SLIT3: variants seen among roughly 807,000 people sequenced by gnomAD.
SLIT3 encodes slit guidance ligand 3, also known as slit homolog 3 protein.
In SLIT3, 68 loss-of-function variants were observed where a neutral mutation model predicts 184.0. That is an observed-to-expected ratio of 0.37 (90% confidence interval 0.30 to 0.45). The LOEUF (loss-of-function observed/expected upper bound fraction) is 0.45. Among genes scored for constraint, SLIT3 ranks in the 20% least tolerant of loss-of-function variants. The pLI is 1.00. For missense variants in SLIT3, 1,707 were observed against 2,026.0 expected (o/e 0.84, Z 3.02); for synonymous variants, 831 against 828.6 (o/e 1.00, Z -0.05).
At chr5:169,174,686 G>T (rs1350786194) in intron 4 of SLIT3, among the ~76,000 whole-genome samples, 1 of 151,968 alleles carries the variant, frequency 6.6e-6, no homozygotes, top group Non-Finnish European at 1.5e-5. Context: ...TCTACTGAAG[G>T]CCAACTCATC....
At chr5:168,862,677 TG>T (rs1759153971) in intron 5 of SLIT3, among the ~76,000 whole-genome samples, 1 of 136,124 alleles carries the variant, frequency 7.3e-6, no homozygotes, top group African/African-American at 3.7e-5. Flanking sequence ...GTTTGTTTGT[TG>T]TTTTTTTTTT....
At chr5:169,279,730 A>G (rs1581133855) in intron 1 of SLIT3, among the ~76,000 whole-genome samples, 1 of 152,214 alleles carries the variant, frequency 6.6e-6, no homozygotes, top group Non-Finnish European at 1.5e-5. Flanking sequence ...GTGGTTGACA[A>G]GGTGAATTCT....
At chr5:168,680,235 C>G (rs1761544868) in intron 32 of SLIT3, among the ~76,000 whole-genome samples, 1 of 152,366 alleles carries the variant, frequency 6.6e-6, no homozygotes, top group South Asian at 2.1e-4. Flanking sequence ...GCATGTGAGT[C>G]TGGCCTTCTC....
intron 4 of SLIT3, among the ~76,000 whole-genome samples, chr5:169,137,335 C>CACACAGAGAGAGAGAGAGAGAGAG (rs368371904): frequency 1.1e-4 from 15 of 138,552 alleles, no homozygotes; most frequent in African/African-American, 4.2e-4. Context: ...CACACACACA[C>CACACAGAGAGAGAGAGAGAGAGAG]AGAGAGAGAG....
chr5:168,762,054 AC>A (rs1426505385), intron 15 of SLIT3, among the ~76,000 whole-genome samples: 3 of 150,570 alleles, frequency 2.0e-5, no homozygotes, highest in Non-Finnish European at 1.5e-5. Flanking sequence ...TACAGGCATG[AC>A]CCACCAACCA....
At chr5:169,277,902 T>C (rs1316553825) in intron 1 of SLIT3, among the ~76,000 whole-genome samples, 1 of 152,212 alleles carries the variant, frequency 6.6e-6, no homozygotes, top group Admixed American at 6.5e-5. Flanking sequence ...AATTTCCAAT[T>C]ACACTTATTA....
intron 4 of SLIT3, among the ~76,000 whole-genome samples, chr5:168,918,198 C>T (rs1354397472): frequency 1.3e-5 from 2 of 152,062 alleles, no homozygotes; most frequent in Non-Finnish European, 2.9e-5. Context: ...AAGAGAACCA[C>T]ATGCTGAGAT....
chr5:169,239,821 G>T (rs970043877), intron 3 of SLIT3, among the ~76,000 whole-genome samples: 1 of 151,866 alleles, frequency 6.6e-6, no homozygotes, highest in Admixed American at 6.6e-5. Flanking sequence ...CCCTAACTTT[G>T]TAAGGAGGAT....
chr5:168,813,718 C>T (rs1413667031), intron 8 of SLIT3, among the ~76,000 whole-genome samples: 3 of 152,156 alleles, frequency 2.0e-5, no homozygotes, highest in Non-Finnish European at 4.4e-5. Context: ...AGCCCATATC[C>T]AGGGCTTCTG....
intron 12 of SLIT3, among the ~76,000 whole-genome samples, chr5:168,781,610 G>T (rs1755974431): frequency 6.6e-6 from 1 of 152,108 alleles, no homozygotes; most frequent in Non-Finnish European, 1.5e-5. Context: ...AAACATTAGT[G>T]GGCTGAAGAC....
chr5:168,687,309 C>A (rs562217295), intron 29 of SLIT3, among the ~76,000 whole-genome samples, 193 bp from the exon 30 acceptor site: 1 of 152,224 alleles, frequency 6.6e-6, no homozygotes, highest in Non-Finnish European at 1.5e-5. Context: ...CATGGTGGGG[C>A]GAGTCTTGTG....
At chr5:168,907,704 G>C (rs1466183012) in intron 4 of SLIT3, among the ~76,000 whole-genome samples, 5 of 151,826 alleles carry the variant, frequency 3.3e-5, no homozygotes, top group Non-Finnish European at 5.9e-5. Context: ...GCAATTACCT[G>C]TAGTTTTTCT....
chr5:169,298,068 G>A (rs959164556), intron 1 of SLIT3, among the ~76,000 whole-genome samples: 8 of 152,160 alleles, frequency 5.3e-5, no homozygotes, highest in Admixed American at 3.3e-4. Context: ...TGGTGGTGAA[G>A]GACTGTTGGT....
At chr5:169,234,448 C>A (rs376211440) in intron 3 of SLIT3, among the ~76,000 whole-genome samples, 40 of 152,272 alleles carry the variant, frequency 2.6e-4, no homozygotes, top group African/African-American at 9.6e-4. Flanking sequence ...TCACTCTGTC[C>A]CAGGCTGGAG....
rs188550231 is a variant in SLIT3 at position 169,121,217 on chromosome 5, C to A, written c.413+72262G>T. The stretch of plus-strand genomic sequence containing the variant: ...TGTGGCCCAGAGCCTCACCTCTTAA[C>A]CCCAAAGACATAGGATGAAATTTAG... On this transcript the variant is annotated intron_variant, in intron 4 of 35. Transcript: ENST00000519560. 2.9e-4 allele frequency among the ~76,000 whole-genome samples: 44 copies of A among 152,284 alleles called. No individual in the cohort carries two copies. In the East Asian group the frequency reaches 8.3e-3, roughly 29 times the overall value.
intron 4 of SLIT3, among the ~76,000 whole-genome samples, chr5:169,103,754 C>A (rs1379459159): frequency 1.5e-4 from 23 of 149,056 alleles, no homozygotes; most frequent in Admixed American, 1.5e-3. Context: ...CCCATGTGTG[C>A]TCACTCCTCG....
intron 27 of SLIT3, among the ~76,000 whole-genome samples, chr5:168,700,026 T>A (rs1402502252): frequency 1.3e-5 from 2 of 152,226 alleles, no homozygotes; most frequent in Non-Finnish European, 2.9e-5. Flanking sequence ...GATTTGTCCC[T>A]CTGATGCTTG....
chr5:169,291,098 C>T (rs1767351018), intron 1 of SLIT3, among the ~76,000 whole-genome samples: 1 of 152,040 alleles, frequency 6.6e-6, no homozygotes, highest in African/African-American at 2.4e-5. Flanking sequence ...AGTCTGAGCC[C>T]ACACAAGCAG....
chr5:169,211,588 T>C (rs1389752930), intron 3 of SLIT3, among the ~76,000 whole-genome samples: 1 of 152,178 alleles, frequency 6.6e-6, no homozygotes, highest in African/African-American at 2.4e-5. Flanking sequence ...AGGGTGCACC[T>C]TCCTTTGGGC....
Sources: allele counts gnomAD v4.1 joint callset (sites outside exome capture counted in the v4.1 genomes callset), GRCh38; gene constraint gnomAD v4.1.1; transcripts MANE v1.5; gene names NCBI Gene and HGNC (gene_info 2026-07-23, HGNC 2026-07-21).